The following UVRAG variants were observed in gnomAD, a reference collection of about 807,000 sequenced individuals.
UVRAG encodes UV radiation resistance-associated gene protein.
UVRAG carries 19 observed loss-of-function variants against 78.0 expected under a neutral mutation model. The ratio of observed to expected loss-of-function variants is 0.24; its 90% CI spans 0.17 to 0.36. The LOEUF (loss-of-function observed/expected upper bound fraction) is 0.36. Ranked by LOEUF, UVRAG falls within the 10% of genes least tolerant of loss-of-function variation. The pLI, the probability that UVRAG is intolerant of heterozygous loss-of-function variation, is 1.00. For synonymous variants in UVRAG, 323 were observed against 324.6 expected, an observed-to-expected ratio of 1.00 and a Z score of 0.05; for missense variants, 740 against 853.8, an observed-to-expected ratio of 0.87 and a Z score of 1.66.
chr11:75,981,913 G>GTT (rs113593826), intron 7 of UVRAG, among the ~76,000 whole-genome samples: 1,784 of 147,714 alleles, frequency 0.012, 35 homozygotes, highest in African/African-American at 0.042. Flanking sequence ...AGACTTTCTA[G>GTT]TTTTTTTTTT....
chr11:75,948,654 C>G (rs1163715974), intron 6 of UVRAG, among the ~76,000 whole-genome samples: 1 of 151,830 alleles, frequency 6.6e-6, no homozygotes, highest in Non-Finnish European at 1.5e-5. Flanking sequence ...TTTTTAGACA[C>G]CAGAAAAATC....
At chr11:75,884,240 T>TCTCTTTCTCTCTC (rs1555080662) in intron 4 of UVRAG, among the ~76,000 whole-genome samples, 2 of 132,556 alleles carry the variant, frequency 1.5e-5, no homozygotes, top group African/African-American at 3.2e-5. Context: ...CTCTCTCTCT[T>TCTCTTTCTCTCTC]TCTCTCTCTC....
At chr11:76,069,618 C>A (rs1187323808) in intron 13 of UVRAG, among the ~76,000 whole-genome samples, 2 of 152,146 alleles carry the variant, frequency 1.3e-5, no homozygotes, top group African/African-American at 4.8e-5. Flanking sequence ...ATACTTTTAT[C>A]TTATATTTGT....
chr11:76,056,795 A>T (rs1282767778), intron 12 of UVRAG, among the ~76,000 whole-genome samples: 6 of 152,080 alleles, frequency 3.9e-5, no homozygotes, highest in Non-Finnish European at 7.4e-5. Flanking sequence ...TGTGTGTGTA[A>T]TGTTAAAATT....
At chr11:75,882,477 C>T (rs1304232118) in intron 4 of UVRAG, among the ~76,000 whole-genome samples, 2 of 150,822 alleles carry the variant, frequency 1.3e-5, no homozygotes, top group Non-Finnish European at 2.9e-5. Context: ...GGCGCCACTG[C>T]ACTCCAGCCT....
At chr11:75,865,573 A>G (rs1946519651) in intron 3 of UVRAG, among the ~76,000 whole-genome samples, 1 of 151,702 alleles carries the variant, frequency 6.6e-6, no homozygotes, top group Non-Finnish European at 1.5e-5. Flanking sequence ...AGGCTAGTAG[A>G]TATCATATTA....
intron 14 of UVRAG, among the ~76,000 whole-genome samples, chr11:76,140,173 A>G (rs1403974696): frequency 1.5e-5 from 2 of 133,042 alleles, no homozygotes; most frequent in East Asian, 2.2e-4. Flanking sequence ...CCAGTCCTCT[A>G]ATGCAAGGTG....
intron 3 of UVRAG, among the ~76,000 whole-genome samples, chr11:75,872,165 T>C (rs1379034599): frequency 6.6e-6 from 1 of 152,214 alleles, no homozygotes; most frequent in African/African-American, 2.4e-5. Context: ...ATTTGAGTTT[T>C]TCATATCCAT....
intron 1 of UVRAG, among the ~76,000 whole-genome samples, chr11:75,825,841 CTT>C (rs1049114164): frequency 2.8e-5 from 4 of 144,142 alleles, no homozygotes; most frequent in Admixed American, 6.9e-5. Context: ...GAAGTTGTTT[CTT>C]TTTTTTTTTT....
At chr11:75,962,304 A>G (rs1162766191) in intron 7 of UVRAG, among the ~76,000 whole-genome samples, 1 of 152,098 alleles carries the variant, frequency 6.6e-6, no homozygotes, top group East Asian at 1.9e-4. Context: ...GCATCTTCCT[A>G]TTGTCATTTA....
In UVRAG at chr11:76,141,640, G is replaced by A. The variant is rs1952725539; in HGVS notation, c.*227G>A. On this transcript the variant is annotated 3_prime_UTR_variant, in exon 15 of 15. Transcript: ENST00000356136. ...GCTTTTCGGGCCTGATGATTTTAAA[G>A]CAAAAATCACCCTCTAGTTGAAAGA... 1 of 552,688 alleles carries A rather than the reference G, an allele frequency of 1.8e-6. No homozygotes were observed. Among genetic ancestry groups the A allele is most frequent in the East Asian group, 3.1e-5 (1 of 32,316 alleles). 34.2% of individuals were successfully genotyped at this position (552,688 alleles called of 1,614,324 possible).
At chr11:75,816,669 CCATGCA>C (rs1384667585) in intron 1 of UVRAG, among the ~76,000 whole-genome samples, 2 of 152,194 alleles carry the variant, frequency 1.3e-5, no homozygotes, top group Non-Finnish European at 2.9e-5. Flanking sequence ...GACTCTGCAG[CCATGCA>C]CGTGCTTGAG....
intron 13 of UVRAG, 109 bp from the exon 14 acceptor site, chr11:76,115,814 AT>A: frequency 1.0e-6 from 1 of 965,956 alleles, no homozygotes; most frequent in African/African-American, 1.6e-5. Context: ...AGTATCAAAC[AT>A]TTACATTTCC....
At chr11:75,994,782 A>G (rs370719831) in intron 8 of UVRAG, among the ~76,000 whole-genome samples, 3 of 152,130 alleles carry the variant, frequency 2.0e-5, no homozygotes, top group Non-Finnish European at 2.9e-5. Flanking sequence ...TTTCTCTAGT[A>G]TGTGTCCGGG....
intron 5 of UVRAG, among the ~76,000 whole-genome samples, chr11:75,899,162 G>A (rs1947425811): frequency 6.6e-6 from 1 of 152,084 alleles, no homozygotes. Context: ...CTCAGGGACT[G>A]TTTATAATAG....
At chr11:76,095,473 T>C (rs1951771192) in intron 13 of UVRAG, among the ~76,000 whole-genome samples, 1 of 151,708 alleles carries the variant, frequency 6.6e-6, no homozygotes, top group Admixed American at 6.6e-5. Flanking sequence ...AATTTACATA[T>C]GTAAAAAAAT....
At chr11:76,035,841 G>T (rs1419420269) in intron 12 of UVRAG, among the ~76,000 whole-genome samples, 1 of 152,184 alleles carries the variant, frequency 6.6e-6, no homozygotes, top group East Asian at 1.9e-4. Flanking sequence ...TCTAGTTTCA[G>T]AGATAACAAA....
chr11:75,880,954 T>C (rs2063035987), intron 4 of UVRAG, among the ~76,000 whole-genome samples: 2 of 137,682 alleles, frequency 1.5e-5, no homozygotes, highest in African/African-American at 5.8e-5. Flanking sequence ...TTTTTTTTTT[T>C]TAAATTAAAG....
At chr11:76,017,718 A>G (rs1345301109) in intron 12 of UVRAG, among the ~76,000 whole-genome samples, 5 of 152,204 alleles carry the variant, frequency 3.3e-5, no homozygotes, top group African/African-American at 7.2e-5. Flanking sequence ...AATGGAAGCC[A>G]GATGGTGATG....
Sources: gnomAD v4.1 joint callset for allele counts (sites outside exome capture counted in the v4.1 genomes callset) on GRCh38, gnomAD v4.1.1 for gene constraint, MANE v1.5 for transcripts, NCBI Gene and HGNC (gene_info 2026-07-23, HGNC 2026-07-21) for gene names.